The following MAST2 variants were observed in gnomAD, a reference collection of about 807,000 sequenced individuals.
MAST2 encodes microtubule-associated serine/threonine-protein kinase 2.
Under a neutral mutation model 147.4 loss-of-function variants are expected in MAST2, and 70 were observed. The observed-to-expected ratio is 0.47, with a 90% confidence interval of 0.39 to 0.58. MAST2 has a LOEUF of 0.58. Among genes scored for constraint, MAST2 ranks in the 20% least tolerant of loss-of-function variants. The probability of loss-of-function intolerance (pLI) is 0.00; values close to 1 mark genes in which losing one functional copy is unlikely to be tolerated. For missense variants in MAST2, 2,080 were observed against 2,302.3 expected, an observed-to-expected ratio of 0.90 and a Z score of 1.98; for synonymous variants, 869 against 896.8, an observed-to-expected ratio of 0.97 and a Z score of 0.55.
chr1:45,955,777 G>A (rs1659568909), intron 4 of MAST2, among the ~76,000 whole-genome samples: 1 of 152,164 alleles, frequency 6.6e-6, no homozygotes, highest in Admixed American at 6.6e-5. Flanking sequence ...GAGAGGTCAT[G>A]GAGAATCCAG....
At chr1:45,910,386 A>G (rs888369725) in intron 4 of MAST2, among the ~76,000 whole-genome samples, 1 of 152,166 alleles carries the variant, frequency 6.6e-6, no homozygotes, top group Non-Finnish European at 1.5e-5. Context: ...ATTAATTTAA[A>G]TAAGCTGAAT....
intron 4 of MAST2, among the ~76,000 whole-genome samples, chr1:45,936,630 C>T (rs1656237986): frequency 6.6e-6 from 1 of 152,104 alleles, no homozygotes; most frequent in African/African-American, 2.4e-5. Flanking sequence ...TGTGTATGCC[C>T]TTCTCACTTC....
chr1:45,906,033 A>G (rs1313798599), intron 4 of MAST2, among the ~76,000 whole-genome samples: 1 of 152,178 alleles, frequency 6.6e-6, no homozygotes, highest in Non-Finnish European at 1.5e-5. Context: ...TACATTTCCC[A>G]GATGAATAAT....
At chr1:45,808,610 C>G (rs1170796868) in intron 1 of MAST2, among the ~76,000 whole-genome samples, 1 of 152,138 alleles carries the variant, frequency 6.6e-6, no homozygotes, top group Admixed American at 6.6e-5. Context: ...ACCATTATTC[C>G]CATTGTCACT....
At chr1:45,913,512 G>A in intron 4 of MAST2, 1 of 871,610 alleles carries the variant, frequency 1.1e-6, no homozygotes, top group Non-Finnish European at 1.4e-6. Flanking sequence ...ACTGACGCAG[G>A]AACAAGGTGC....
intron 8 of MAST2, 22 bp downstream of exon 8, chr1:46,006,417 T>G (rs1373323093): frequency 6.2e-7 from 1 of 1,602,970 alleles, no homozygotes. Flanking sequence ...CTCTGCCCAC[T>G]GTTCCAGTGC....
chr1:45,860,399 AAAT>A (rs1645940361), intron 3 of MAST2, among the ~76,000 whole-genome samples: 2 of 135,304 alleles, frequency 1.5e-5, no homozygotes, highest in South Asian at 4.8e-4. Flanking sequence ...AAAAAAAAAA[AAAT>A]TTATGTGAAG....
chr1:45,980,751 G>A (rs1010589670), intron 5 of MAST2, among the ~76,000 whole-genome samples: 1 of 152,110 alleles, frequency 6.6e-6, no homozygotes, highest in Non-Finnish European at 1.5e-5. Flanking sequence ...CCCCAGGCTG[G>A]CCTCAAACTC....
intron 3 of MAST2, among the ~76,000 whole-genome samples, chr1:45,874,859 C>G (rs958859386): frequency 2.0e-5 from 3 of 152,116 alleles, no homozygotes; most frequent in Admixed American, 1.3e-4. Context: ...TGGAAGGAGG[C>G]TGGGGAAACT....
At chr1:45,921,324 G>T (rs1344567075) in intron 4 of MAST2, among the ~76,000 whole-genome samples, 2 of 152,116 alleles carry the variant, frequency 1.3e-5, no homozygotes, top group African/African-American at 4.8e-5. Flanking sequence ...CTCAGCTGTT[G>T]TTACGGGATC....
intron 3 of MAST2, among the ~76,000 whole-genome samples, chr1:45,840,045 T>G (rs1645226106): frequency 6.6e-6 from 1 of 152,166 alleles, no homozygotes; most frequent in Non-Finnish European, 1.5e-5. Flanking sequence ...ATTTTTGTGA[T>G]TTTAGGTGGG....
At chr1:45,919,288 G>A (rs1157527060) in intron 4 of MAST2, among the ~76,000 whole-genome samples, 3 of 152,074 alleles carry the variant, frequency 2.0e-5, no homozygotes, top group Admixed American at 2.0e-4. Context: ...ATTGAGCTCT[G>A]GGGCAAGTTT....
intron 4 of MAST2, among the ~76,000 whole-genome samples, chr1:45,894,952 C>T (rs993689139): frequency 2.0e-5 from 3 of 152,126 alleles, no homozygotes; most frequent in African/African-American, 7.2e-5. Flanking sequence ...AATTTGGGGT[C>T]CTTCATTTTA....
chr1:45,953,910 T>C (rs1464235980), intron 4 of MAST2, among the ~76,000 whole-genome samples: 1 of 152,202 alleles, frequency 6.6e-6, no homozygotes, highest in Non-Finnish European at 1.5e-5. Context: ...TCTCCCTTTA[T>C]TGGGGAGGGA....
chr1:45,973,959 A>C (rs1194395925), intron 5 of MAST2, among the ~76,000 whole-genome samples: 1 of 152,200 alleles, frequency 6.6e-6, no homozygotes. Flanking sequence ...ATAATAACTA[A>C]ATAATTTGTC....
intron 3 of MAST2, among the ~76,000 whole-genome samples, chr1:45,842,295 C>T (rs1645301113): frequency 6.6e-6 from 1 of 152,098 alleles, no homozygotes; most frequent in Admixed American, 6.6e-5. Context: ...TGTACATATC[C>T]TTTTAAAAAT....
intron 3 of MAST2, among the ~76,000 whole-genome samples, chr1:45,850,164 C>G (rs1645578943): frequency 1.3e-5 from 2 of 152,082 alleles, no homozygotes; most frequent in Admixed American, 1.3e-4. Context: ...AAGATGGTAT[C>G]TCATTGTGGT....
chr1:45,815,141 G>A (rs1405323178), intron 1 of MAST2, among the ~76,000 whole-genome samples: 2 of 150,506 alleles, frequency 1.3e-5, no homozygotes, highest in Middle Eastern at 3.2e-3. Flanking sequence ...TTTCTTTGCC[G>A]TTATTTCAGC....
chr1:45,973,408 C>T (rs148341094), intron 5 of MAST2, among the ~76,000 whole-genome samples: 1 of 152,134 alleles, frequency 6.6e-6, no homozygotes, highest in Admixed American at 6.5e-5. Flanking sequence ...AGAAACCCCA[C>T]CTTTGAAAAA....
Sources: allele counts gnomAD v4.1 joint callset (sites outside exome capture counted in the v4.1 genomes callset), GRCh38; gene constraint gnomAD v4.1.1; transcripts MANE v1.5; gene names NCBI Gene and HGNC (gene_info 2026-07-23, HGNC 2026-07-21).